NCKAP5: variants seen among roughly 807,000 people sequenced by gnomAD.
NCKAP5 encodes the protein NCK associated protein 5.
Under a neutral mutation model 167.0 loss-of-function variants are expected in NCKAP5, and 92 were observed. The ratio of observed to expected loss-of-function variants is 0.55; its 90% CI spans 0.47 to 0.66. The LOEUF (loss-of-function observed/expected upper bound fraction) is 0.66. NCKAP5 is among the 30% of genes least tolerant of loss of function. The pLI is 0.00. For synonymous variants in NCKAP5, 891 were observed against 877.4 expected, an observed-to-expected ratio of 1.02 and a Z score of -0.27; for missense variants, 2,378 against 2,315.0, an observed-to-expected ratio of 1.03 and a Z score of -0.56.
the NCKAP5 span, among the ~76,000 whole-genome samples, chr2:133,597,230 C>A: frequency 6.6e-6 from 1 of 152,188 alleles, no homozygotes; most frequent in Non-Finnish European, 1.5e-5. Flanking sequence ...AGACCAACTG[C>A]ACCAGTGTGA....
At chr2:133,508,228 C>T (rs868637511) in intron 3 of NCKAP5, among the ~76,000 whole-genome samples, 14 of 152,292 alleles carry the variant, frequency 9.2e-5, no homozygotes, top group African/African-American at 3.4e-4. Context: ...CTTTTAGACA[C>T]TGTGGCTTTC....
At chr2:133,217,308 T>C in intron 4 of NCKAP5, among the ~76,000 whole-genome samples, 1 of 152,030 alleles carries the variant, frequency 6.6e-6, no homozygotes. Context: ...ATGTCCGTAT[T>C]AGTCCCACCT....
At position 133,273,153 on chromosome 2, in the gene NCKAP5, T is replaced by A. The variant is rs80182619; in HGVS notation, c.143+29884A>T. Among the ~76,000 whole-genome samples the A allele has an allele frequency of 9.1e-3, 1,385 of 152,296 alleles. 26 individuals carry two copies. Among genetic ancestry groups the A allele is most frequent in the South Asian group, 0.059 (286 of 4,828 alleles). ...TAGTTTCCAAAGCAGCTGCACCATT[T>A]TACATTCCCACCAGCAATGTCTCAG... On this transcript the variant is annotated intron_variant, in intron 4 of 19. Coordinates refer to ENST00000409261, the MANE Select transcript of NCKAP5 (RefSeq NM_207363.3).
intron 3 of NCKAP5, among the ~76,000 whole-genome samples, chr2:133,352,937 T>G (rs1187262164): frequency 6.6e-6 from 1 of 152,198 alleles, no homozygotes; most frequent in East Asian, 1.9e-4. Flanking sequence ...CAAAAAGGAA[T>G]ATTTAAAGTC....
chr2:133,355,012 C>A (rs2150835018), intron 3 of NCKAP5, among the ~76,000 whole-genome samples: 1 of 152,250 alleles, frequency 6.6e-6, no homozygotes, highest in East Asian at 1.9e-4. Context: ...TCATTTGAGG[C>A]CTTCACATAG....
At chr2:133,284,235 A>G (rs1310449939) in intron 4 of NCKAP5, among the ~76,000 whole-genome samples, 1 of 152,076 alleles carries the variant, frequency 6.6e-6, no homozygotes, top group Non-Finnish European at 1.5e-5. Flanking sequence ...AAAATGTCTA[A>G]TTGAGGAGTC....
Position 133,002,058 on chromosome 2 carries a change from C to T in NCKAP5, c.342-7819G>A, listed in dbSNP as rs114711662. Among the ~76,000 whole-genome samples the T allele has an allele frequency of 4.7e-3, 709 of 152,244 alleles. 2 individuals are homozygous for T. The highest frequency in any genetic ancestry group is 0.016 in the African/African-American group (679 of 41,538). Reference sequence around the variant, plus strand: ...CATTTTATATAAGAAAGCTGAGCATCCCCAGATTCTGGTATCTGACGAGGG... The same window carrying T: ...CATTTTATATAAGAAAGCTGAGCATTCCCAGATTCTGGTATCTGACGAGGG... On this transcript the variant is annotated intron_variant, in intron 6 of 19. Transcript: ENST00000409261.
rs187496085 is a variant in NCKAP5 at position 132,856,878 on chromosome 2, C to A, written c.807+3614G>T. The stretch of plus-strand genomic sequence containing the variant: ...ACGCAGAGGGAGCACCAATTGGAGG[C>A]GAAAGGGGGGACTTAATTTCAACAG... On this transcript the variant is annotated intron_variant, in intron 11 of 19. Transcript: ENST00000409261. 3.9e-5 allele frequency among the ~76,000 whole-genome samples: 6 copies of A among 152,200 alleles called. No homozygotes were observed. The South Asian group carries it at 1.2e-3, about 32-fold the overall frequency.
intron 8 of NCKAP5, among the ~76,000 whole-genome samples, chr2:132,958,304 A>G (rs184578228): frequency 3.0e-4 from 45 of 152,270 alleles, no homozygotes; most frequent in African/African-American, 1.1e-3. Context: ...TATGATTATC[A>G]TTCCCTATTA....
chr2:133,322,283 C>T (rs1185192578), intron 3 of NCKAP5, among the ~76,000 whole-genome samples: 4 of 151,986 alleles, frequency 2.6e-5, no homozygotes, highest in Non-Finnish European at 5.9e-5. Flanking sequence ...TGAGACAAAG[C>T]ATAGATGCAA....
At chr2:132,750,025 C>G (rs981394053) in intron 16 of NCKAP5, among the ~76,000 whole-genome samples, 1 of 152,220 alleles carries the variant, frequency 6.6e-6, no homozygotes, top group African/African-American at 2.4e-5. Flanking sequence ...GAAACTGACG[C>G]AAAGGTTTGT....
intron 8 of NCKAP5, among the ~76,000 whole-genome samples, chr2:132,939,490 T>TA (rs2149093259): frequency 6.6e-6 from 1 of 152,352 alleles, no homozygotes; most frequent in African/African-American, 2.4e-5. Flanking sequence ...CAACACTGCT[T>TA]ATAAACATGA....
rs147146502 is a variant in NCKAP5, at chr2:133,314,367, G to A, written c.70-11257C>T. On this transcript the variant is annotated intron_variant, in intron 3 of 19. Coordinates refer to ENST00000409261, the MANE Select transcript of NCKAP5 (RefSeq NM_207363.3). The stretch of plus-strand genomic sequence containing the variant: ...TCCCATCTGTTCATCTGAGTCACCT[G>A]GTGGGCTAGTTAAAACACAGATTAC... Among the ~76,000 whole-genome samples the A allele has an allele frequency of 3.1e-3, 467 of 152,232 alleles. 5 individuals are homozygous for A. The highest frequency in any genetic ancestry group is 0.014 in the Middle Eastern group (4 of 294).
At chr2:133,532,074 A>C (rs928405331) in intron 2 of NCKAP5, among the ~76,000 whole-genome samples, 2 of 152,208 alleles carry the variant, frequency 1.3e-5, no homozygotes, top group African/African-American at 4.8e-5. Flanking sequence ...TGTGTGTTTT[A>C]GTTTATGTAC....
At chr2:132,795,916 A>C (rs1302709793) in intron 12 of NCKAP5, among the ~76,000 whole-genome samples, 1 of 151,360 alleles carries the variant, frequency 6.6e-6, no homozygotes, top group Non-Finnish European at 1.5e-5. Flanking sequence ...TTAAAAAAAA[A>C]AAACTCCTGA....
intron 19 of NCKAP5, among the ~76,000 whole-genome samples, chr2:132,682,115 A>T (rs1685309766): frequency 6.6e-6 from 1 of 152,164 alleles, no homozygotes; most frequent in Admixed American, 6.5e-5. Context: ...TTCTAAAAAG[A>T]AGAATTTTTT....
chr2:133,146,465 C>T (rs1008262906), intron 5 of NCKAP5, among the ~76,000 whole-genome samples: 9 of 152,020 alleles, frequency 5.9e-5, no homozygotes. Context: ...TTTTAGACCC[C>T]AAATGCAAGG....
intron 5 of NCKAP5, among the ~76,000 whole-genome samples, chr2:133,160,963 C>G (rs2083771358): frequency 6.6e-6 from 1 of 152,104 alleles, no homozygotes; most frequent in Non-Finnish European, 1.5e-5. Flanking sequence ...GGACCGGTAG[C>G]AGTCTGTGGC....
intron 3 of NCKAP5, among the ~76,000 whole-genome samples, chr2:133,356,845 T>C (rs1684750467): frequency 6.6e-6 from 1 of 152,214 alleles, no homozygotes; most frequent in Non-Finnish European, 1.5e-5. Flanking sequence ...ACTTGCATTA[T>C]ATAGAGGAGG....
Sources: allele counts gnomAD v4.1 joint callset (sites outside exome capture counted in the v4.1 genomes callset), GRCh38; gene constraint gnomAD v4.1.1; transcripts MANE v1.5; gene names NCBI Gene and HGNC (gene_info 2026-07-23, HGNC 2026-07-21).